The following SANBR variants were observed in gnomAD, a reference collection of about 807,000 sequenced individuals.
SANBR encodes SANT and BTB domain regulator of CSR, also known as SANT and BTB domain regulator of class switch recombination.
A neutral mutation model predicts 101.8 loss-of-function variants in SANBR; 77 were observed. That is an observed-to-expected ratio of 0.76 (90% CI 0.63 to 0.91). The LOEUF (loss-of-function observed/expected upper bound fraction) is 0.91. Ranked by LOEUF, SANBR falls within the 40% of genes least tolerant of loss-of-function variation. SANBR has a pLI of 0.00. For missense variants in SANBR, 875 were observed against 853.0 expected, an observed-to-expected ratio of 1.03 and a Z score of -0.32; for synonymous variants, 279 against 274.7, an observed-to-expected ratio of 1.02 and a Z score of -0.15.
At chr2:61,120,875 A>G (rs1299837013) in intron 20 of SANBR, among the ~76,000 whole-genome samples, 2 of 152,198 alleles carry the variant, frequency 1.3e-5, no homozygotes, top group African/African-American at 4.8e-5. Context: ...AAAACAGACA[A>G]ATAGTTGCCA....
rs368476449 is a variant in SANBR at position 61,109,551 on chromosome 2, C to T, written c.1744+255C>T. Reference sequence around the variant, plus strand: ...TTCAGGTGCAACTAAATGTGTGACTCATTTCAGATGAAATGTGATCTGAGA... The same window carrying T: ...TTCAGGTGCAACTAAATGTGTGACTTATTTCAGATGAAATGTGATCTGAGA... On this transcript the variant is annotated intron_variant, in intron 16 of 21. Coordinates refer to ENST00000402291, the MANE Select transcript of SANBR (RefSeq NM_001129993.3). 5.9e-5 allele frequency among the ~76,000 whole-genome samples: 9 copies of T among 151,648 alleles called. No individual in the cohort carries two copies. The East Asian group carries it at 1.5e-3, about 26-fold the overall frequency.
rs1012130848 is a variant in SANBR at position 61,086,621 on chromosome 2, T to G, written c.891-1538T>G. Among the ~76,000 whole-genome samples the G allele has an allele frequency of 5.3e-5, 8 of 151,788 alleles. No homozygotes were observed. In the South Asian group the frequency reaches 1.5e-3, roughly 28 times the overall value. ...TGTGGAATGCTGCCATCACATAGAGTAAGATGGGGACAGAAATGTGACCAA... is the reference window on the plus strand; with the variant it reads ...TGTGGAATGCTGCCATCACATAGAGGAAGATGGGGACAGAAATGTGACCAA... On this transcript the variant is annotated intron_variant, in intron 8 of 21. Coordinates refer to ENST00000402291, the MANE Select transcript of SANBR (RefSeq NM_001129993.3).
chr2:61,068,288 A>T (rs989412026), intron 1 of SANBR, among the ~76,000 whole-genome samples: 2 of 152,122 alleles, frequency 1.3e-5, no homozygotes, highest in African/African-American at 4.8e-5. Context: ...TTTTCATCTT[A>T]CTTTGAGATG....
chr2:61,137,767 CT>C, exon 22 of SANBR: 1 of 152,236 alleles, frequency 6.6e-6, no homozygotes, highest in African/African-American at 2.4e-5. Flanking sequence ...GCATCCTCTT[CT>C]TTTCCCAGAA....
intron 20 of SANBR, among the ~76,000 whole-genome samples, chr2:61,130,749 C>T (rs1455910703): frequency 6.6e-6 from 1 of 151,298 alleles, no homozygotes; most frequent in African/African-American, 2.4e-5. Context: ...GAGTTCGACA[C>T]CAGCCTGGAC....
At position 61,122,865 on chromosome 2, in the gene SANBR, T is replaced by C. The variant is rs965917543; in HGVS notation, c.*703T>C. Reference sequence around the variant, plus strand: ...ATTACTCTGTCCTCTGTGAAACTAGTGGCATTCTGAATTTGGTAAAATAAC... The same window carrying C: ...ATTACTCTGTCCTCTGTGAAACTAGCGGCATTCTGAATTTGGTAAAATAAC... On this transcript the variant is annotated 3_prime_UTR_variant, in exon 22 of 22. Coordinates refer to ENST00000402291, the MANE Select transcript of SANBR (RefSeq NM_001129993.3). The C allele has an allele frequency of 1.2e-5, 12 of 984,944 alleles. No homozygotes were observed. The highest frequency in any genetic ancestry group is 1.7e-5 in the African/African-American group (1 of 57,226). 61.0% of individuals were successfully genotyped at this position (984,944 alleles called of 1,614,324 possible).
intron 5 of SANBR, among the ~76,000 whole-genome samples, chr2:61,075,383 G>A (rs1681712621): frequency 6.6e-6 from 1 of 152,080 alleles, no homozygotes; most frequent in Non-Finnish European, 1.5e-5. Flanking sequence ...TGAGCCTCCT[G>A]AGTAGCTGGG....
chr2:61,120,435 G>A (rs1684279574), intron 20 of SANBR, among the ~76,000 whole-genome samples: 1 of 152,192 alleles, frequency 6.6e-6, no homozygotes, highest in Non-Finnish European at 1.5e-5. Flanking sequence ...GGAAGGTTGA[G>A]GTTGCAGTGA....
intron 16 of SANBR, among the ~76,000 whole-genome samples, chr2:61,109,501 G>A (rs1425196251): frequency 1.3e-5 from 2 of 152,062 alleles, no homozygotes; most frequent in East Asian, 1.9e-4. Flanking sequence ...GCAGTACACT[G>A]AGAAAGAACT....
At chr2:61,079,920 C>T (rs923264612) in intron 6 of SANBR, among the ~76,000 whole-genome samples, 12 of 150,722 alleles carry the variant, frequency 8.0e-5, no homozygotes, top group African/African-American at 2.4e-4. Flanking sequence ...AAAAAAAGCC[C>T]GGCACTCTGG....
intron 8 of SANBR, among the ~76,000 whole-genome samples, chr2:61,086,199 A>G (rs1334910970): frequency 6.6e-6 from 1 of 151,752 alleles, no homozygotes; most frequent in African/African-American, 2.4e-5. Context: ...CTTCTTGCTC[A>G]GTCACCCAAG....
At position 61,070,458 on chromosome 2, in the gene SANBR, G is replaced by C. The variant is rs1349848537; in HGVS notation, c.108G>C (p.Trp36Cys). The C allele has an allele frequency of 3.7e-6, 6 of 1,601,778 alleles. No homozygotes were observed. Among genetic ancestry groups the C allele is most frequent in the Non-Finnish European group, 5.1e-6 (6 of 1,175,428 alleles). The change falls in exon 3 of 22, where the codon TGG (tryptophan) becomes TGC (cysteine). Residue 36 changes from tryptophan (W) to cysteine (C), a missense_variant. Coordinates refer to ENST00000402291, the MANE Select transcript of SANBR (RefSeq NM_001129993.3). The stretch of plus-strand genomic sequence containing the variant: ...TTGGAATCCCTCAGACTATCAACTG[G>C]GAAACTATAGCAAGGCTCGTGCCTG... ...PLIGIPQTIN[W>C]ETIARLVPGL...
At position 61,071,651 on chromosome 2, in the gene SANBR, G is replaced by C; in HGVS notation, c.196G>C (p.Val66Leu). The C allele has an allele frequency of 1.3e-6, 2 of 1,587,330 alleles. No individual in the cohort carries two copies. The highest frequency in any genetic ancestry group is 4.6e-5 in the East Asian group (2 of 43,400). Residue 66 changes from valine (V) to leucine (L), a missense_variant, in exon 4 of 22, where the codon GTT (valine) becomes CTT (leucine). By Grantham distance (32) the Val-to-Leu change is conservative (BLOSUM62 1). Coordinates refer to ENST00000402291, the MANE Select transcript of SANBR (RefSeq NM_001129993.3). Reference protein sequence around the residue: ...DELKSSGSSPVDNQYNSLMAA... With the variant: ...DELKSSGSSPLDNQYNSLMAA... ...ATTAAAGAGCAGTGGAAGCTCGCCT[G>C]TTGACAACCAGTATAATTCCCTAAT...
chr2:61,088,282 A>T lies in SANBR; in HGVS notation c.977+37A>T, dbSNP rs1322875161. ...TGTTTTTTTCTTTGGTGTACTTTAT[A>T]ATGCAGCTATATTCTTTAATTTACT... On this transcript the variant is annotated intron_variant, in intron 9 of 21. Transcript: ENST00000402291. 4 of 1,574,992 alleles carry T rather than the reference A, an allele frequency of 2.5e-6. No homozygotes were observed. The South Asian group carries it at 4.7e-5, about 19-fold the overall frequency.
intron 16 of SANBR, among the ~76,000 whole-genome samples, chr2:61,111,573 A>G (rs1184483548): frequency 6.6e-6 from 1 of 152,240 alleles, no homozygotes; most frequent in East Asian, 1.9e-4. Context: ...TGATTGAGGT[A>G]TAAGTTATAT....
chr2:61,069,627 C>T (rs1681355139), intron 2 of SANBR: 1 of 152,326 alleles, frequency 6.6e-6, no homozygotes, highest in African/African-American at 2.4e-5. Context: ...TTATTTTCAT[C>T]TGTAAATTAA....
intron 21 of SANBR, 113 bp downstream of exon 21, chr2:61,121,389 G>C (rs1330665104): frequency 1.6e-6 from 1 of 616,212 alleles, no homozygotes; most frequent in Non-Finnish European, 2.8e-6. Flanking sequence ...TTTATGTTTT[G>C]TTTCAATGAT....
At chr2:61,114,110 C>T (rs980600208) in intron 16 of SANBR, among the ~76,000 whole-genome samples, 1 of 152,114 alleles carries the variant, frequency 6.6e-6, no homozygotes, top group African/African-American at 2.4e-5. Context: ...TTATATATCA[C>T]TGCAGGAGTC....
At position 61,106,641 on chromosome 2, in the gene SANBR, CA is replaced by C; in HGVS notation, c.1594del (p.Thr532LeufsTer10). ...LLEPNTPWGP[K>X]TGELNAFLSL... is the part of the protein sequence containing the mutation. Reference sequence around the variant, plus strand: ...TGGAGCCAAATACACCATGGGGTCCCAAAACTGGGGAGCTCAATGCTGTGAG... The same window carrying C: ...TGGAGCCAAATACACCATGGGGTCCCAAACTGGGGAGCTCAATGCTGTGAG... On this transcript the variant is annotated frameshift_variant, in exon 14 of 22. Transcript: ENST00000402291. LOFTEE classifies it high-confidence loss of function. 6.3e-7 allele frequency: 1 copy of C among 1,590,826 alleles called. No homozygotes were observed.
Sources: allele counts gnomAD v4.1 joint callset (sites outside exome capture counted in the v4.1 genomes callset), GRCh38; gene constraint gnomAD v4.1.1; transcripts MANE v1.5; gene names NCBI Gene and HGNC (gene_info 2026-07-23, HGNC 2026-07-21).